The following VSIG8 variants were observed in gnomAD, a reference collection of about 807,000 sequenced individuals.
VSIG8 encodes the protein V-set and immunoglobulin domain-containing protein 8.
VSIG8 carries 32 observed loss-of-function variants against 42.6 expected under a neutral mutation model. That is an observed-to-expected ratio of 0.75 (90% CI 0.57 to 1.01). The LOEUF (loss-of-function observed/expected upper bound fraction) is 1.01, where lower values mean the gene tolerates loss of function less well. VSIG8 is among the 50% of genes least tolerant of loss of function. The probability of loss-of-function intolerance (pLI) is 0.00; values close to 1 mark genes in which losing one functional copy is unlikely to be tolerated. For missense variants in VSIG8, 529 were observed against 558.0 expected (o/e 0.95, Z 0.52); for synonymous variants, 290 against 243.8 (o/e 1.19, Z -1.77).
At position 159,854,803 on chromosome 1, in the gene VSIG8, C is replaced by G; in HGVS notation, c.1195G>C (p.Ala399Pro). The change falls in exon 7 of 7, where the codon GCT (alanine) becomes CCT (proline). Residue 399 changes from alanine (A) to proline (P), a missense_variant. Coordinates refer to ENST00000368100, the MANE Select transcript of VSIG8 (RefSeq NM_001013661.1). The stretch of plus-strand genomic sequence containing the variant: ...TGCACCGGCCCCTCGGCGCAGTCAG[C>G]CGGCTCCGCGCTCTTGACCTTGACG... The part of the protein sequence containing the change: ...VYVKVKSAEP[A>P]DCAEGPVQCK... 2 of 1,504,184 alleles carry G rather than the reference C, an allele frequency of 1.3e-6. No individual in the cohort carries two copies. The highest frequency in any genetic ancestry group is 1.8e-6 in the Non-Finnish European group (2 of 1,133,940). The allele number at this position is 1,504,184 out of a possible 1,614,324, so 93.2% of individuals were successfully genotyped here. A position where few individuals can be genotyped will look rare whatever the true frequency, so the allele number is the denominator to read the frequency against.
Position 159,858,818 on chromosome 1 carries a change from C to A in VSIG8, c.144G>T (p.Leu48=), listed in dbSNP as rs1161535860. The A allele has an allele frequency of 1.2e-6, 2 of 1,614,086 alleles. No homozygotes were observed. The highest frequency in any genetic ancestry group is 1.7e-6 in the Non-Finnish European group (2 of 1,180,004). ...CATTGGGACCATAGTCCTCAGGGTC[C>A]AGGACGTAGGGGCAGCCCAGCCTCA... ...DNVRLGCPYV[L]DPEDYGPNGL... The change falls in exon 2 of 7, where the codon CTG becomes CTT. Residue 48 remains leucine, a synonymous_variant. Transcript: ENST00000368100.
Position 159,856,618 on chromosome 1 carries a change from C to T in VSIG8, c.678G>A (p.Leu226=). ...CATCATCTGCTCTGGAGATATCCTT[C>T]AACACCAGGTCCCCATTGTTCAGGC... ...NQGLNNGDLV[L]KDISRADDGL... The change falls in exon 5 of 7, where the codon TTG becomes TTA. Residue 226 remains leucine (L), a synonymous_variant. Coordinates refer to ENST00000368100, the MANE Select transcript of VSIG8 (RefSeq NM_001013661.1). 6.2e-7 allele frequency: 1 copy of T among 1,614,166 alleles called. No homozygotes were observed. Among genetic ancestry groups the T allele is most frequent in the South Asian group, 1.1e-5 (1 of 91,080 alleles).
At position 159,857,894 on chromosome 1, in the gene VSIG8, T is replaced by C. The variant is rs746985048; in HGVS notation, c.503A>G (p.Tyr168Cys). ...TYGNDVVLKC[Y>C]ASGGSQPLSY... ...GAGGGGCTGGGAGCCCCCACTGGCA[T>C]AGCACTTCAGCACCACATCGTTGCC... is the stretch of plus-strand genomic sequence containing the variant. The change falls in exon 4 of 7, where the codon TAT (tyrosine) becomes TGT (cysteine). Residue 168 changes from tyrosine (Y) to cysteine (C), a missense_variant. Transcript: ENST00000368100. 2.5e-6 allele frequency: 4 copies of C among 1,614,112 alleles called. No individual in the cohort carries two copies. In the African/African-American group the frequency reaches 5.3e-5, roughly 22 times the overall value.
chr1:159,855,330 C>G, intron 6 of VSIG8: 1 of 1,499,754 alleles, frequency 6.7e-7, no homozygotes, highest in Non-Finnish European at 8.9e-7. Context: ...TTCGCAGGCC[C>G]AGAAGAAGGT....
chr1:159,858,127 G>T lies in VSIG8; in HGVS notation c.393C>A (p.Thr131=). 6.2e-7 allele frequency: 1 copy of T among 1,614,196 alleles called. No homozygotes were observed. Among genetic ancestry groups the T allele is most frequent in the African/African-American group, 1.3e-5 (1 of 75,046 alleles). Reference sequence around the variant, plus strand: ...CAATGACCTTCCGGGTGGCCATGGTGGTCTTCTTCACCCGGCACTCATAAG... The same window carrying T: ...CAATGACCTTCCGGGTGGCCATGGTTGTCTTCTTCACCCGGCACTCATAAG... ...TATYECRVKK[T]TMATRKVIVT... The change falls in exon 3 of 7, where the codon ACC becomes ACA. Residue 131 remains threonine, a synonymous_variant. Transcript: ENST00000368100.
At chr1:159,859,054 A>T in intron 1 of VSIG8, 142 bp from the exon 2 acceptor site, 1 of 800,232 alleles carries the variant, frequency 1.2e-6, no homozygotes, top group Non-Finnish European at 1.9e-6. Flanking sequence ...GGCTGCTCGT[A>T]GTGGGTGTGT....
In VSIG8 at chr1:159,854,709, C is replaced by T; in HGVS notation, c.*44G>A. 1 of 1,419,680 alleles carries T rather than the reference C, an allele frequency of 7.0e-7. No homozygotes were observed. Among genetic ancestry groups the T allele is most frequent in the Non-Finnish European group, 9.1e-7 (1 of 1,096,054 alleles). 87.9% of individuals were successfully genotyped at this position (1,419,680 alleles called of 1,614,324 possible). On this transcript the variant is annotated 3_prime_UTR_variant, in exon 7 of 7. Coordinates refer to ENST00000368100, the MANE Select transcript of VSIG8 (RefSeq NM_001013661.1). ...CCCCAGCTGCAGACAGAGAGCCCCG[C>T]GCCCTCCTCCTGGCTGGGGCGCAGC...
Position 159,854,794 on chromosome 1 carries a change from C to T in VSIG8, c.1204G>A (p.Ala402Thr), listed in dbSNP as rs893826911. The change falls in exon 7 of 7, where the codon GCC (alanine) becomes ACC (threonine). Residue 402 changes from alanine (A) to threonine (T), a missense_variant. Physicochemically the swap from Ala to Thr is moderately conservative, Grantham distance 58. Transcript: ENST00000368100. ...KVKSAEPADC[A>T]EGPVQCKNGL... ...TTCTTGCACTGCACCGGCCCCTCGG[C>T]GCAGTCAGCCGGCTCCGCGCTCTTG... 336 of 1,503,936 alleles carry T rather than the reference C, an allele frequency of 2.2e-4. 1 individual carries two copies. Among genetic ancestry groups the T allele is most frequent in the Non-Finnish European group, 2.8e-4 (320 of 1,133,908 alleles). The allele number at this position is 1,503,936 out of a possible 1,614,324, so 93.2% of individuals were successfully genotyped here.
intron 4 of VSIG8, 23 bp from the exon 5 acceptor site, chr1:159,856,666 C>A: frequency 6.2e-7 from 1 of 1,611,402 alleles, no homozygotes; most frequent in Non-Finnish European, 8.5e-7. Context: ...TGGAGAGAGG[C>A]CTGGTCTCTG....
chr1:159,855,640 C>T (rs1285459719), intron 6 of VSIG8: 16 of 972,656 alleles, frequency 1.6e-5, no homozygotes, highest in African/African-American at 1.8e-5. Context: ...CTAGACAAGA[C>T]AGACAGGTGC....
intron 6 of VSIG8, 139 bp downstream of exon 6, chr1:159,855,744 G>C: frequency 1.4e-6 from 2 of 1,383,540 alleles, no homozygotes; most frequent in Non-Finnish European, 1.9e-6. Context: ...AGGTCGACAT[G>C]CCGCAGTCCC....
At position 159,854,503 on chromosome 1, in the gene VSIG8, C is replaced by G; in HGVS notation, c.*250G>C. 2.8e-6 allele frequency: 2 copies of G among 708,574 alleles called. No individual in the cohort carries two copies. 43.9% of individuals were successfully genotyped at this position (708,574 alleles called of 1,614,324 possible). On this transcript the variant is annotated 3_prime_UTR_variant, in exon 7 of 7. Coordinates refer to ENST00000368100, the MANE Select transcript of VSIG8 (RefSeq NM_001013661.1). ...CAGCCTCCTCCTCCCTCCCTCTCCC[C>G]CAAGCCTTCGGTCCCGGGGGTGCGG...
At chr1:159,855,421 C>T in intron 6 of VSIG8, 1 of 1,417,354 alleles carries the variant, frequency 7.1e-7, no homozygotes, top group South Asian at 1.6e-5. Flanking sequence ...GCCCCTCAGT[C>T]TTCTCCATCT....
chr1:159,856,406 C>T, intron 5 of VSIG8, 118 bp downstream of exon 5: 11 of 1,532,440 alleles, frequency 7.2e-6, no homozygotes, highest in African/African-American at 1.4e-5. Context: ...GGCTGGGAGC[C>T]CCCACTGGCA....
At position 159,858,855 on chromosome 1, in the gene VSIG8, T is replaced by G. The variant is rs767260170; in HGVS notation, c.107A>C (p.Glu36Ala). 3 of 1,613,986 alleles carry G rather than the reference T, an allele frequency of 1.9e-6. No individual in the cohort carries two copies. The highest frequency in any genetic ancestry group is 2.5e-6 in the Non-Finnish European group (3 of 1,179,978). Residue 36 changes from glutamate to alanine, a missense_variant, in exon 2 of 7, where the codon GAA becomes GCA. Physicochemically the swap from Glu to Ala is moderately radical, Grantham distance 107 (BLOSUM62 -1). Transcript: ENST00000368100. ...GDGQEVLYLAEGDNVRLGCPY... is the reference protein window; with the variant it reads ...GDGQEVLYLAAGDNVRLGCPY... The stretch of plus-strand genomic sequence containing the variant: ...GCAGCCCAGCCTCACATTATCACCT[T>G]CTGCCAGGTACAGGACCTCCTGTCC...
At chr1:159,860,898 A>G (rs540412666) in intron 1 of VSIG8, 12 of 152,334 alleles carry the variant, frequency 7.9e-5, no homozygotes, top group African/African-American at 2.9e-4. Flanking sequence ...CAAGAAAAGC[A>G]CCTCCACCCT....
rs1484160655 is a variant in VSIG8, at chr1:159,858,760, C to G, written c.202G>C (p.Asp68His). Residue 68 changes from aspartate to histidine, a missense_variant, in exon 2 of 7, where the codon GAC (aspartate) becomes CAC (histidine). Coordinates refer to ENST00000368100, the MANE Select transcript of VSIG8 (RefSeq NM_001013661.1). The part of the protein sequence containing the change: ...LDIEWMQVNS[D>H]PAHHRENVFL... Reference sequence around the variant, plus strand: ...ACGTTCTCTCGGTGGTGGGCGGGGTCTGAGTTGACCTGCATCCACTCGATG... The same window carrying G: ...ACGTTCTCTCGGTGGTGGGCGGGGTGTGAGTTGACCTGCATCCACTCGATG... 2 of 1,579,040 alleles carry G rather than the reference C, an allele frequency of 1.3e-6. No homozygotes were observed. The highest frequency in any genetic ancestry group is 2.9e-5 in the African/African-American group (2 of 68,144).
Position 159,858,918 on chromosome 1 carries a change from G to T in VSIG8, c.50-6C>A. The stretch of plus-strand genomic sequence containing the variant: ...CCGCACAGCAGACAGCAGTGCTAGG[G>T]GGAGGGCAGAGAAGATGGGGTGGTA... On this transcript the variant is annotated splice_region_variant and splice_polypyrimidine_tract_variant and intron_variant, in intron 1 of 6. Coordinates refer to ENST00000368100, the MANE Select transcript of VSIG8 (RefSeq NM_001013661.1). The T allele has an allele frequency of 1.9e-6, 3 of 1,611,298 alleles. No individual in the cohort carries two copies. The highest frequency in any genetic ancestry group is 2.5e-6 in the Non-Finnish European group (3 of 1,178,664).
At chr1:159,856,126 C>T (rs11587021) in intron 5 of VSIG8, 45 bp from the exon 6 acceptor site, 593,980 of 1,571,708 alleles carry the variant, frequency 0.38, 116,658 homozygotes, top group Admixed American at 0.46. Context: ...CACAGCCTGG[C>T]AGGTGCCTGA....
Sources: allele counts gnomAD v4.1 joint callset, GRCh38; gene constraint gnomAD v4.1.1; transcripts MANE v1.5; gene names NCBI Gene and HGNC (gene_info 2026-07-23, HGNC 2026-07-21).